BHLHE41: variants seen among roughly 807,000 people sequenced by gnomAD.
The protein encoded by BHLHE41 is class E basic helix-loop-helix protein 41.
BHLHE41 carries 14 observed loss-of-function variants against 24.0 expected under a neutral mutation model. The observed-to-expected ratio is 0.58, with a 90% CI of 0.39 to 0.91. BHLHE41 has a LOEUF of 0.91. BHLHE41 is among the 40% of genes least tolerant of loss of function. The pLI is 0.00. For missense variants in BHLHE41, 674 were observed against 655.4 expected (o/e 1.03, Z -0.31); for synonymous variants, 394 against 315.5 (o/e 1.25, Z -2.64).
intron 3 of BHLHE41, 128 bp from the exon 4 acceptor site, chr12:26,123,869 G>T: frequency 1.3e-6 from 1 of 795,000 alleles, no homozygotes; most frequent in Non-Finnish European, 2.2e-6. Context: ...TTTACTTCTT[G>T]AGCTTTCCAC....
Position 26,123,126 on chromosome 12 carries a change from G to A in BHLHE41, c.389C>T (p.Ala130Val). 6.2e-7 allele frequency: 1 copy of A among 1,609,546 alleles called. No individual in the cohort carries two copies. The highest frequency in any genetic ancestry group is 8.5e-7 in the Non-Finnish European group (1 of 1,177,478). ...GCATGTTTGAAATCCCGAGTGGAAC[G>A]CATCCAAGTCGGACTGAATGGGCGA... Reference protein sequence around the residue: ...LKSPIQSDLDAFHSGFQTCAK... With the variant: ...LKSPIQSDLDVFHSGFQTCAK... The change falls in exon 5 of 5, where the codon GCG (alanine) becomes GTG (valine). Residue 130 changes from alanine (A) to valine (V), a missense_variant. By Grantham distance (64) the Ala-to-Val change is moderately conservative (BLOSUM62 0). Transcript: ENST00000242728.
Position 26,122,221 on chromosome 12 carries a change from T to C in BHLHE41, c.1294A>G (p.Thr432Ala). The change falls in exon 5 of 5, where the codon ACC (threonine) becomes GCC (alanine). Residue 432 changes from threonine (T) to alanine (A), a missense_variant. Physicochemically the swap from Thr to Ala is moderately conservative, Grantham distance 58. Coordinates refer to ENST00000242728, the MANE Select transcript of BHLHE41 (RefSeq NM_030762.3). ...PPEKAGAAAA[T>A]LLPHEVAPLG... ...GGCGCCACCTCGTGCGGCAGGAGGG[T>C]CGCGGCGGCGGCGCCCGCCTTCTCG... 6.9e-6 allele frequency: 9 copies of C among 1,301,464 alleles called. No individual in the cohort carries two copies. Among genetic ancestry groups the C allele is most frequent in the Non-Finnish European group, 8.8e-6 (9 of 1,027,860 alleles). 80.6% of individuals were successfully genotyped at this position (1,301,464 alleles called of 1,614,324 possible).
At position 26,122,503 on chromosome 12, in the gene BHLHE41, G is replaced by A. The variant is rs1282711813; in HGVS notation, c.1012C>T (p.Pro338Ser). ...GGGGCCGCGGCGGCCGCGGGCTGCGGGAAGGGCGCGCCTCCGCCTCCGCCG... is the reference window on the plus strand; with the variant it reads ...GGGGCCGCGGCGGCCGCGGGCTGCGAGAAGGGCGCGCCTCCGCCTCCGCCG... ...AFGGGGGAPF[P>S]QPAAAAAPFC... The change falls in exon 5 of 5, where the codon CCG (proline) becomes TCG (serine). Residue 338 changes from proline (P) to serine (S), a missense_variant. Coordinates refer to ENST00000242728, the MANE Select transcript of BHLHE41 (RefSeq NM_030762.3). 7.6e-6 allele frequency: 10 copies of A among 1,312,734 alleles called. No homozygotes were observed. Among genetic ancestry groups the A allele is most frequent in the Non-Finnish European group, 9.8e-6 (10 of 1,020,496 alleles). The allele number at this position is 1,312,734 out of a possible 1,614,324, so 81.3% of individuals were successfully genotyped here.
intron 2 of BHLHE41, 87 bp from the exon 3 acceptor site, chr12:26,124,266 C>T (rs1591839745): frequency 1.6e-6 from 1 of 619,444 alleles, no homozygotes; most frequent in East Asian, 4.6e-5. Context: ...CCCCCCGCCC[C>T]CCCACCATAA....
Position 26,122,381 on chromosome 12 carries a change from C to A in BHLHE41, c.1134G>T (p.Pro378=), listed in dbSNP as rs1030525741. 7.4e-6 allele frequency: 9 copies of A among 1,220,422 alleles called. No individual in the cohort carries two copies. Among genetic ancestry groups the A allele is most frequent in the Non-Finnish European group, 7.2e-6 (7 of 975,558 alleles). 75.6% of individuals were successfully genotyped at this position (1,220,422 alleles called of 1,614,324 possible). ...DKSGLEKYLY[P]AAAAAPFPLL... ...GCGGGAACGGGGCGGCAGCCGCCGC[C>A]GGGTACAGATACTTCTCCAGGCCGC... Residue 378 remains proline, a synonymous_variant, in exon 5 of 5, where the codon CCG becomes CCT. Coordinates refer to ENST00000242728, the MANE Select transcript of BHLHE41 (RefSeq NM_030762.3).
chr12:26,121,185 A>G lies in BHLHE41; in HGVS notation c.*881T>C, dbSNP rs1007294539. The G allele has an allele frequency of 6.6e-6, 1 of 152,280 alleles. No individual in the cohort carries two copies. The highest frequency in any genetic ancestry group is 2.4e-5 in the African/African-American group (1 of 41,440). 9.4% of individuals were successfully genotyped at this position (152,280 alleles called of 1,614,324 possible). On this transcript the variant is annotated 3_prime_UTR_variant, in exon 5 of 5. Coordinates refer to ENST00000242728, the MANE Select transcript of BHLHE41 (RefSeq NM_030762.3). ...TTGAGATGTGTATGTATAGATACCT[A>G]TCTATGGATAAATAGAAATCTGTAC...
In BHLHE41 at chr12:26,122,432, G is replaced by T; in HGVS notation, c.1083C>A (p.Ala361=). 7.4e-7 allele frequency: 1 copy of T among 1,354,586 alleles called. No homozygotes were observed. 83.9% of individuals were successfully genotyped at this position (1,354,586 alleles called of 1,614,324 possible). Residue 361 remains alanine (A), a synonymous_variant, in exon 5 of 5, where the codon GCC becomes GCA. Coordinates refer to ENST00000242728, the MANE Select transcript of BHLHE41 (RefSeq NM_030762.3). ...FCFLSPSAAA[A]YVQPFLDKSG... is the part of the protein sequence containing the mutation. ...TCTTGTCCAGGAAGGGCTGCACGTA[G>T]GCGGCAGCTGCAGAAGGCGAGAGGA...
chr12:26,123,537 A>G (rs1028793353), intron 4 of BHLHE41, 93 bp downstream of exon 4: 3 of 897,042 alleles, frequency 3.3e-6, no homozygotes, highest in Admixed American at 1.7e-5. Context: ...GCCCACGGAA[A>G]GAGATGGGGT....
At position 26,122,074 on chromosome 12, in the gene BHLHE41, C is replaced by G; in HGVS notation, c.1441G>C (p.Ala481Pro). ...CTTCGGGACGCAAGGATTCAGGGAG[C>G]TTCCTTTCCTGGCTGCGAGGGATCT... ...QEDPSQPGKE[A>P]P Residue 481 changes from alanine to proline, a missense_variant, in exon 5 of 5, where the codon GCT becomes CCT. By Grantham distance (27) the Ala-to-Pro change is conservative. This residue lies in a region of BHLHE41 where 602 missense variants were observed against 570.8 expected (regional missense o/e 1.05). Coordinates refer to ENST00000242728, the MANE Select transcript of BHLHE41 (RefSeq NM_030762.3). The G allele has an allele frequency of 6.5e-7, 1 of 1,549,728 alleles. No homozygotes were observed. Among genetic ancestry groups the G allele is most frequent in the Non-Finnish European group, 8.7e-7 (1 of 1,146,538 alleles).
chr12:26,122,496 G>C lies in BHLHE41; in HGVS notation c.1019C>G (p.Pro340Arg). Residue 340 changes from proline (P) to arginine (R), a missense_variant, in exon 5 of 5, where the codon CCC becomes CGC. Physicochemically the swap from Pro to Arg is moderately radical, Grantham distance 103. Around this residue, in one of 3 missense-constraint regions of BHLHE41, gnomAD observed 602 missense variants for 570.8 expected, o/e 1.05. Transcript: ENST00000242728. The stretch of plus-strand genomic sequence containing the variant: ...GCAGAAGGGGGCCGCGGCGGCCGCG[G>C]GCTGCGGGAAGGGCGCGCCTCCGCC... ...GGGGGAPFPQPAAAAAPFCLP... is the reference protein window; with the variant it reads ...GGGGGAPFPQRAAAAAPFCLP... 8 of 1,320,704 alleles carry C rather than the reference G, an allele frequency of 6.1e-6. No homozygotes were observed. Among genetic ancestry groups the C allele is most frequent in the Non-Finnish European group, 7.8e-6 (8 of 1,025,062 alleles). 81.8% of individuals were successfully genotyped at this position (1,320,704 alleles called of 1,614,324 possible).
chr12:26,123,581 G>T, intron 4 of BHLHE41, 49 bp downstream of exon 4: 1 of 1,331,180 alleles, frequency 7.5e-7, no homozygotes, highest in Non-Finnish European at 1.1e-6. Flanking sequence ...GCTCCCCTGT[G>T]GGCTGCCCCG....
Position 26,124,147 on chromosome 12 carries a change from T to C in BHLHE41, c.159A>G (p.Glu53=), listed in dbSNP as rs370455858. ...DTYKLPHRLI[E]KKRRDRINEC... ...CATTAATTCGGTCTCTTCTTTTCTT[T>C]TCTATTAATCTGTGCGGTAATTTGT... The change falls in exon 3 of 5, where the codon GAA becomes GAG. Residue 53 remains glutamate (E), a synonymous_variant. Transcript: ENST00000242728. The C allele has an allele frequency of 8.9e-5, 143 of 1,612,068 alleles. No homozygotes were observed. Among genetic ancestry groups the C allele is most frequent in the Non-Finnish European group, 1.1e-4 (134 of 1,178,366 alleles).
Position 26,122,061 on chromosome 12 carries a change from A to C in BHLHE41, c.*5T>G. ...TTGAACCTCCGTCCTTCGGGACGCAAGGATTCAGGGAGCTTCCTTTCCTGG... is the reference window on the plus strand; with the variant it reads ...TTGAACCTCCGTCCTTCGGGACGCACGGATTCAGGGAGCTTCCTTTCCTGG... On this transcript the variant is annotated 3_prime_UTR_variant, in exon 5 of 5. Coordinates refer to ENST00000242728, the MANE Select transcript of BHLHE41 (RefSeq NM_030762.3). 6.5e-7 allele frequency: 1 copy of C among 1,549,248 alleles called. No individual in the cohort carries two copies. Among genetic ancestry groups the C allele is most frequent in the Non-Finnish European group, 8.7e-7 (1 of 1,146,350 alleles).
Position 26,121,033 on chromosome 12 carries a change from C to G in BHLHE41, c.*1033G>C, listed in dbSNP as rs1007970957. The G allele has an allele frequency of 6.6e-6, 1 of 152,534 alleles. No individual in the cohort carries two copies. The highest frequency in any genetic ancestry group is 2.4e-5 in the African/African-American group (1 of 41,418). 9.4% of individuals were successfully genotyped at this position (152,534 alleles called of 1,614,324 possible). A position where few individuals can be genotyped will look rare whatever the true frequency, so the allele number is the denominator to read the frequency against. The stretch of plus-strand genomic sequence containing the variant: ...AATTTTAACAGAATATAGGATATAT[C>G]AGTTTGGACTTGTTTTTTGTTGTTG... On this transcript the variant is annotated 3_prime_UTR_variant, in exon 5 of 5. Coordinates refer to ENST00000242728, the MANE Select transcript of BHLHE41 (RefSeq NM_030762.3).
rs1003645680 is a variant in BHLHE41 at position 26,120,209 on chromosome 12, A to G, written c.*1857T>C. On this transcript the variant is annotated 3_prime_UTR_variant, in exon 5 of 5. Transcript: ENST00000242728. Reference sequence around the variant, plus strand: ...ATCCCTATAGTTATAGATATCTTAAAACTAATTGAGCATCCATTATGTCTT... The same window carrying G: ...ATCCCTATAGTTATAGATATCTTAAGACTAATTGAGCATCCATTATGTCTT... The G allele has an allele frequency of 3.3e-5, 5 of 152,636 alleles. No homozygotes were observed. The highest frequency in any genetic ancestry group is 2.1e-4 in the South Asian group (1 of 4,828). 9.5% of individuals were successfully genotyped at this position (152,636 alleles called of 1,614,324 possible).
At chr12:26,124,253 G>GGGGGGGGGGGGGGC in intron 2 of BHLHE41, 74 bp from the exon 3 acceptor site, 5 of 785,866 alleles carry the variant, frequency 6.4e-6, no homozygotes, top group Non-Finnish European at 6.3e-6. Flanking sequence ...ACCCTCGTCT[G>GGGGGGGGGGGGGGC]CCCCCCCCGC....
Position 26,122,313 on chromosome 12 carries a change from G to A in BHLHE41, c.1202C>T (p.Ala401Val), listed in dbSNP as rs1944315825. 3 of 1,172,854 alleles carry A rather than the reference G, an allele frequency of 2.6e-6. No individual in the cohort carries two copies. The highest frequency in any genetic ancestry group is 3.2e-6 in the Non-Finnish European group (3 of 951,202). The allele number at this position is 1,172,854 out of a possible 1,614,324, so 72.7% of individuals were successfully genotyped here. A position where few individuals can be genotyped will look rare whatever the true frequency, so the allele number is the denominator to read the frequency against. ...GIPAPAAAAA[A>V]AAAAAAAAAA... ...GGCGGCGGCGGCAGCGGCGGCGGCG[G>A]CTGCCGCGGCTGCCGCCGGGGCGGG... is the stretch of plus-strand genomic sequence containing the variant. The change falls in exon 5 of 5, where the codon GCC becomes GTC. Residue 401 changes from alanine to valine, a missense_variant. Coordinates refer to ENST00000242728, the MANE Select transcript of BHLHE41 (RefSeq NM_030762.3).
rs751055068 is a variant in BHLHE41, at chr12:26,122,620, C to A, written c.895G>T (p.Ala299Ser). Reference protein sequence around the residue: ...SGGGPGGGAAAAAAALLGPDP... With the variant: ...SGGGPGGGAASAAAALLGPDP... The stretch of plus-strand genomic sequence containing the variant: ...GGCCCCAGAAGCGCGGCTGCCGCCG[C>A]CGCCGCGCCGCCCCCCGGGCCGCCG... The change falls in exon 5 of 5, where the codon GCG becomes TCG. Residue 299 changes from alanine to serine, a missense_variant. This residue lies in a region of BHLHE41 where 602 missense variants were observed against 570.8 expected (regional missense o/e 1.05). Transcript: ENST00000242728. The A allele has an allele frequency of 1.7e-6, 2 of 1,173,838 alleles. 1 individual carries two copies. The allele number at this position is 1,173,838 out of a possible 1,614,324, so 72.7% of individuals were successfully genotyped here. A position where few individuals can be genotyped will look rare whatever the true frequency, so the allele number is the denominator to read the frequency against.
chr12:26,122,331 G>C lies in BHLHE41; in HGVS notation c.1184C>G (p.Pro395Arg), dbSNP rs1944316131. 3 of 1,155,180 alleles carry C rather than the reference G, an allele frequency of 2.6e-6. No individual in the cohort carries two copies. Among genetic ancestry groups the C allele is most frequent in the Non-Finnish European group, 2.1e-6 (2 of 940,976 alleles). 71.6% of individuals were successfully genotyped at this position (1,155,180 alleles called of 1,614,324 possible). ...FPLLYPGIPA[P>R]AAAAAAAAAA... ...GGCGGCGGCTGCCGCGGCTGCCGCC[G>C]GGGCGGGGATGCCGGGGTATAGCAG... The change falls in exon 5 of 5, where the codon CCG becomes CGG. Residue 395 changes from proline to arginine, a missense_variant. Pro to Arg is a moderately radical substitution (Grantham distance 103, BLOSUM62 -2). Transcript: ENST00000242728.
Sources: gnomAD v4.1 joint callset for allele counts on GRCh38, gnomAD v4.1.1 for gene constraint, gnomAD v4.1.1 regional missense constraint, MANE v1.5 for transcripts, NCBI Gene and HGNC (gene_info 2026-07-23, HGNC 2026-07-21) for gene names.